The following WWOX variants were observed in gnomAD, a reference collection of about 807,000 sequenced individuals.
WWOX encodes the protein WW domain containing oxidoreductase.
WWOX carries 69 observed loss-of-function variants against 46.2 expected under a neutral mutation model. The ratio of observed to expected loss-of-function variants is 1.49; its 90% CI spans 1.23 to 1.82. The LOEUF is 1.82. Among genes scored for constraint, WWOX ranks in the 40% most tolerant of loss-of-function variants. The pLI is 0.00. For synonymous variants in WWOX, 359 were observed against 202.6 expected, an observed-to-expected ratio of 1.77 and a Z score of -6.56; for missense variants, 919 against 542.6, an observed-to-expected ratio of 1.69 and a Z score of -6.89.
chr16:78,372,436 G>C (rs910828895), intron 5 of WWOX, among the ~76,000 whole-genome samples: 2 of 152,166 alleles, frequency 1.3e-5, no homozygotes, highest in African/African-American at 2.4e-5. Context: ...ATTTTCAAAA[G>C]AAAAGAATGA....
intron 8 of WWOX, among the ~76,000 whole-genome samples, chr16:79,005,749 A>G (rs2093870116): frequency 6.6e-6 from 1 of 152,206 alleles, no homozygotes; most frequent in African/African-American, 2.4e-5. Flanking sequence ...TCCATCTGCA[A>G]AGACCCTATT....
chr16:78,864,785 G>C (rs769682710), intron 8 of WWOX, among the ~76,000 whole-genome samples: 1 of 80,268 alleles, frequency 1.2e-5, no homozygotes, highest in Non-Finnish European at 2.2e-5. Context: ...TTTTTTTTGA[G>C]ACAGTCTCAC....
At chr16:78,797,552 C>G (rs1199375466) in intron 8 of WWOX, among the ~76,000 whole-genome samples, 1 of 152,122 alleles carries the variant, frequency 6.6e-6, no homozygotes, top group Non-Finnish European at 1.5e-5. Context: ...CAACTCCAGT[C>G]TGGCTGCTTT....
chr16:78,523,657 C>T (rs948062959), intron 8 of WWOX, among the ~76,000 whole-genome samples: 13 of 152,334 alleles, frequency 8.5e-5, no homozygotes, highest in African/African-American at 2.9e-4. Flanking sequence ...TAATGTGGTA[C>T]AGTGTGTGCT....
At chr16:78,996,540 C>T (rs1172288777) in intron 8 of WWOX, among the ~76,000 whole-genome samples, 1 of 152,070 alleles carries the variant, frequency 6.6e-6, no homozygotes, top group Non-Finnish European at 1.5e-5. Flanking sequence ...CTTTCCATTC[C>T]TCCTAACTAA....
chr16:79,186,498 A>G (rs942612584), intron 8 of WWOX, among the ~76,000 whole-genome samples: 2 of 152,164 alleles, frequency 1.3e-5, no homozygotes, highest in East Asian at 3.9e-4. Context: ...TGTTATCAGG[A>G]CACTGGTCAC....
chr16:78,406,337 T>C (rs1278182642), intron 6 of WWOX, among the ~76,000 whole-genome samples: 2 of 103,182 alleles, frequency 1.9e-5, no homozygotes, highest in South Asian at 5.8e-4. Flanking sequence ...TATATATATA[T>C]ATATATATAT....
intron 5 of WWOX, among the ~76,000 whole-genome samples, chr16:78,179,032 A>G (rs187692009): frequency 3.5e-4 from 53 of 152,180 alleles, no homozygotes; most frequent in Non-Finnish European, 6.5e-4. Flanking sequence ...AGGGGTGTTC[A>G]TGATGATAAT....
At chr16:78,747,111 G>A (rs1387197520) in intron 8 of WWOX, among the ~76,000 whole-genome samples, 1 of 151,876 alleles carries the variant, frequency 6.6e-6, no homozygotes, top group Non-Finnish European at 1.5e-5. Flanking sequence ...GGGACCCACA[G>A]AGCCTATATC....
At chr16:79,084,291 C>G (rs1445709700) in intron 8 of WWOX, among the ~76,000 whole-genome samples, 2 of 152,030 alleles carry the variant, frequency 1.3e-5, no homozygotes, top group South Asian at 4.1e-4. Context: ...AGAAGTAGAA[C>G]TCTAAATAGA....
intron 8 of WWOX, among the ~76,000 whole-genome samples, chr16:78,951,783 G>A (rs1567432742): frequency 6.6e-6 from 1 of 152,136 alleles, no homozygotes; most frequent in Non-Finnish European, 1.5e-5. Context: ...TGTGAAGGGG[G>A]CCAGCCAGGA....
intron 5 of WWOX, among the ~76,000 whole-genome samples, chr16:78,366,674 A>G (rs1836301319): frequency 6.6e-6 from 1 of 152,186 alleles, no homozygotes; most frequent in South Asian, 2.1e-4. Context: ...CTTTCATGCT[A>G]TTAAAGCTGA....
chr16:78,109,213 A>G (rs1387005020), intron 2 of WWOX, among the ~76,000 whole-genome samples: 1 of 152,096 alleles, frequency 6.6e-6, no homozygotes, highest in African/African-American at 2.4e-5. Context: ...AGGGACAGGC[A>G]CGGTGGCTTG....
intron 8 of WWOX, among the ~76,000 whole-genome samples, chr16:78,718,926 C>T (rs2048629455): frequency 6.6e-6 from 1 of 152,004 alleles, no homozygotes; most frequent in African/African-American, 2.4e-5. Flanking sequence ...AAGAACATGG[C>T]ATCTGGGGCT....
intron 8 of WWOX, among the ~76,000 whole-genome samples, chr16:79,137,785 C>G (rs1347010371): frequency 6.6e-6 from 1 of 152,080 alleles, no homozygotes; most frequent in East Asian, 1.9e-4. Context: ...CCCCTTCTTC[C>G]TTGTATCCTT....
At chr16:78,582,212 G>A (rs1350133455) in intron 8 of WWOX, among the ~76,000 whole-genome samples, 1 of 152,150 alleles carries the variant, frequency 6.6e-6, no homozygotes, top group African/African-American at 2.4e-5. Context: ...TTCCTAAGTG[G>A]TCAATACATG....
intron 8 of WWOX, among the ~76,000 whole-genome samples, chr16:79,141,069 G>C (rs2050079937): frequency 6.6e-6 from 1 of 152,164 alleles, no homozygotes; most frequent in African/African-American, 2.4e-5. Flanking sequence ...AAGTCAAGCT[G>C]GGAACTGCTT....
intron 8 of WWOX, among the ~76,000 whole-genome samples, chr16:78,468,371 C>T (rs542058084): frequency 1.3e-5 from 2 of 151,936 alleles, no homozygotes; most frequent in South Asian, 2.1e-4. Context: ...TTCCTTCTCA[C>T]CTTAACCCCA....
At chr16:78,252,069 C>G (rs1377373517) in intron 5 of WWOX, among the ~76,000 whole-genome samples, 1 of 152,112 alleles carries the variant, frequency 6.6e-6, no homozygotes, top group Non-Finnish European at 1.5e-5. Flanking sequence ...GGGATGAGAG[C>G]AAGCACCGTT....
Sources: allele counts gnomAD v4.1 joint callset (sites outside exome capture counted in the v4.1 genomes callset), GRCh38; gene constraint gnomAD v4.1.1; transcripts MANE v1.5; gene names NCBI Gene and HGNC (gene_info 2026-07-23, HGNC 2026-07-21).